Variants in ERI3 observed in about 807,000 individuals in gnomAD.
ERI3 encodes ERI1 exoribonuclease family member 3.
In ERI3, 18 loss-of-function variants were observed where a neutral mutation model predicts 44.4. The observed-to-expected ratio is 0.41, with a 90% CI of 0.28 to 0.60. The LOEUF (loss-of-function observed/expected upper bound fraction) is 0.60, where lower values mean the gene tolerates loss of function less well. Ranked by LOEUF, ERI3 falls within the 20% of genes least tolerant of loss-of-function variation. The pLI is 0.36. For synonymous variants in ERI3, 183 were observed against 164.8 expected (o/e 1.11, Z -0.84); for missense variants, 294 against 435.5 (o/e 0.68, Z 2.89).
intron 4 of ERI3, among the ~76,000 whole-genome samples, chr1:44,317,581 G>A (rs1347859455): frequency 6.6e-6 from 1 of 151,866 alleles, no homozygotes; most frequent in Non-Finnish European, 1.5e-5. Context: ...CCTAATGATG[G>A]GATGGAGATG....
intron 7 of ERI3, among the ~76,000 whole-genome samples, chr1:44,250,700 G>A (rs1444129797): frequency 6.6e-6 from 1 of 152,138 alleles, no homozygotes; most frequent in Non-Finnish European, 1.5e-5. Flanking sequence ...AATTGCTGCT[G>A]TGACATGGCC....
intron 7 of ERI3, among the ~76,000 whole-genome samples, chr1:44,268,831 C>G (rs533294146): frequency 2.9e-4 from 44 of 152,274 alleles, no homozygotes; most frequent in African/African-American, 1.0e-3. Flanking sequence ...ACTCAGAGGC[C>G]CCTCTCCTTT....
chr1:44,268,789 G>A (rs1386043943), intron 7 of ERI3, among the ~76,000 whole-genome samples: 5 of 152,196 alleles, frequency 3.3e-5, no homozygotes, highest in African/African-American at 1.2e-4. Context: ...AAGACCAGAG[G>A]AAGGGCCTAG....
intron 1 of ERI3, chr1:44,354,636 C>G: frequency 1.0e-6 from 1 of 985,410 alleles, no homozygotes; most frequent in Non-Finnish European, 1.2e-6. Flanking sequence ...TGCTCCATTT[C>G]TAGCCTCTCT....
chr1:44,283,281 A>C (rs929626041), intron 7 of ERI3, among the ~76,000 whole-genome samples: 5 of 152,202 alleles, frequency 3.3e-5, no homozygotes, highest in African/African-American at 1.2e-4. Flanking sequence ...CTCTATACCC[A>C]GCCCTGGCCT....
intron 7 of ERI3, 71 bp downstream of exon 7, chr1:44,284,764 A>G (rs768796781): frequency 8.6e-7 from 1 of 1,160,782 alleles, no homozygotes; most frequent in Non-Finnish European, 1.3e-6. Flanking sequence ...TAAGAAAAGA[A>G]AGCAAAGGAC....
At chr1:44,299,339 C>T (rs1390719152) in intron 6 of ERI3, among the ~76,000 whole-genome samples, 1 of 152,068 alleles carries the variant, frequency 6.6e-6, no homozygotes, top group Non-Finnish European at 1.5e-5. Context: ...TGTGCCACCA[C>T]ACCAGGTTAT....
At chr1:44,336,618 C>T (rs772214838) in intron 3 of ERI3, among the ~76,000 whole-genome samples, 2 of 152,228 alleles carry the variant, frequency 1.3e-5, no homozygotes, top group African/African-American at 4.8e-5. Flanking sequence ...CAGTGCCCCA[C>T]GCTCTTCTAG....
rs551352060 is a variant in ERI3, at chr1:44,223,864, C to T, written c.932-2224G>A. Among the ~76,000 whole-genome samples, 224 of 152,280 alleles carry T rather than the reference C, an allele frequency of 1.5e-3. 1 individual carries two copies. The highest frequency in any genetic ancestry group is 5.2e-3 in the African/African-American group (217 of 41,546). ...ATCTAAATCGTGAGTTTCAGCTACC[C>T]GCTAAAGATCACCTCTCCAGCCTGG... On this transcript the variant is annotated intron_variant, in intron 8 of 8. Coordinates refer to ENST00000372257, the MANE Select transcript of ERI3 (RefSeq NM_024066.3).
At chr1:44,246,846 T>G (rs1226846398) in intron 8 of ERI3, among the ~76,000 whole-genome samples, 1 of 152,198 alleles carries the variant, frequency 6.6e-6, no homozygotes, top group Non-Finnish European at 1.5e-5. Context: ...GGATCTACTC[T>G]GAAGGAGGTG....
intron 8 of ERI3, among the ~76,000 whole-genome samples, chr1:44,238,753 C>A (rs887883072): frequency 6.6e-6 from 1 of 151,986 alleles, no homozygotes; most frequent in Non-Finnish European, 1.5e-5. Context: ...TAGCCTCCCC[C>A]CACAGAGGCC....
chr1:44,256,396 G>A (rs944507472), intron 7 of ERI3, among the ~76,000 whole-genome samples: 4 of 152,016 alleles, frequency 2.6e-5, no homozygotes, highest in African/African-American at 4.8e-5. Flanking sequence ...CCCATTCCTC[G>A]GGTCCAGCAG....
intron 7 of ERI3, among the ~76,000 whole-genome samples, chr1:44,277,800 G>GAGCA (rs1390809467): frequency 6.6e-6 from 1 of 152,156 alleles, no homozygotes; most frequent in Non-Finnish European, 1.5e-5. Context: ...TGAAACCATT[G>GAGCA]AGCAAGTTTC....
intron 2 of ERI3, among the ~76,000 whole-genome samples, chr1:44,347,449 C>T (rs1453463233): frequency 6.6e-6 from 1 of 152,116 alleles, no homozygotes; most frequent in African/African-American, 2.4e-5. Flanking sequence ...ACTCAAGTAC[C>T]CAAATGTGAC....
chr1:44,336,466 T>G (rs1037395920), intron 3 of ERI3, among the ~76,000 whole-genome samples: 27 of 152,198 alleles, frequency 1.8e-4, no homozygotes, highest in Middle Eastern at 3.2e-3. Context: ...ATCACAGCAT[T>G]GTAGAGGTTT....
intron 6 of ERI3, among the ~76,000 whole-genome samples, chr1:44,306,564 C>G (rs974729018): frequency 6.6e-6 from 1 of 152,228 alleles, no homozygotes; most frequent in South Asian, 2.1e-4. Context: ...CACTGTGCTA[C>G]AGAACAGGTC....
At chr1:44,272,526 T>C (rs1380843441) in intron 7 of ERI3, among the ~76,000 whole-genome samples, 1 of 152,044 alleles carries the variant, frequency 6.6e-6, no homozygotes, top group African/African-American at 2.4e-5. Flanking sequence ...TTTTTCCAGG[T>C]TTTTGCAGAT....
At chr1:44,243,125 CT>C (rs1331239122) in intron 8 of ERI3, among the ~76,000 whole-genome samples, 1 of 152,238 alleles carries the variant, frequency 6.6e-6, no homozygotes, top group African/African-American at 2.4e-5. Flanking sequence ...CACTGCCCCC[CT>C]GGGGCCCAGG....
chr1:44,265,075 C>T (rs567736916), intron 7 of ERI3, among the ~76,000 whole-genome samples: 4 of 152,220 alleles, frequency 2.6e-5, no homozygotes, highest in Non-Finnish European at 5.9e-5. Context: ...CAGCCCAACA[C>T]TCCCTCCCGC....
Sources: gnomAD v4.1 joint callset for allele counts (sites outside exome capture counted in the v4.1 genomes callset) on GRCh38, gnomAD v4.1.1 for gene constraint, MANE v1.5 for transcripts, NCBI Gene and HGNC (gene_info 2026-07-23, HGNC 2026-07-21) for gene names.